RNF125: variants seen among roughly 807,000 people sequenced by gnomAD.
The protein encoded by RNF125 is ring finger protein 125, also known as E3 ubiquitin-protein ligase RNF125.
Under a neutral mutation model 26.0 loss-of-function variants are expected in RNF125, and 21 were observed. The observed-to-expected ratio is 0.81, with a 90% CI of 0.57 to 1.16. The LOEUF (loss-of-function observed/expected upper bound fraction) is 1.16. Ranked by LOEUF, RNF125 falls within the 50% of genes most tolerant of loss-of-function variation. The pLI, the probability that RNF125 is intolerant of heterozygous loss-of-function variation, is 0.00. For missense variants in RNF125, 270 were observed against 299.4 expected, an observed-to-expected ratio of 0.90 and a Z score of 0.72; for synonymous variants, 95 against 109.2, an observed-to-expected ratio of 0.87 and a Z score of 0.81.
intron 3 of RNF125, among the ~76,000 whole-genome samples, chr18:32,043,988 A>G (rs2039243926): frequency 6.6e-6 from 1 of 151,594 alleles, no homozygotes; most frequent in African/African-American, 2.4e-5. Flanking sequence ...TAGAAATATA[A>G]TGGGTTTTTT....
Position 32,071,982 on chromosome 18 carries a change from A to G in RNF125, c.*3598A>G, listed in dbSNP as rs115491979. On this transcript the variant is annotated 3_prime_UTR_variant, in exon 6 of 6. Transcript: ENST00000217740. ...GAGGGTCTCATGAGCCCAGGAGTTC[A>G]AGACCAACCTGGGCAATATAGTGAG... The G allele has an allele frequency of 0.015, 2,318 of 152,262 alleles. 63 individuals carry two copies. Among genetic ancestry groups the G allele is most frequent in the African/African-American group, 0.053 (2,195 of 41,534 alleles). 9.4% of individuals were successfully genotyped at this position (152,262 alleles called of 1,614,324 possible).
In RNF125 at chr18:32,018,987, G is replaced by A; in HGVS notation, c.124G>A (p.Glu42Lys). 1 of 1,613,774 alleles carries A rather than the reference G, an allele frequency of 6.2e-7. No homozygotes were observed. Among genetic ancestry groups the A allele is most frequent in the Non-Finnish European group, 8.5e-7 (1 of 1,179,866 alleles). The change falls in exon 1 of 6, where the codon GAG becomes AAG. Residue 42 changes from glutamate to lysine, a missense_variant. By Grantham distance (56) the Glu-to-Lys change is moderately conservative. Coordinates refer to ENST00000217740, the MANE Select transcript of RNF125 (RefSeq NM_017831.4). The stretch of plus-strand genomic sequence containing the variant: ...GTCCTTCGACTGCGCCGTGTGCCTT[G>A]AGGTGTTACACCAGCCTGTCCGGAC... ...VTSFDCAVCL[E>K]VLHQPVRTRC...
chr18:32,090,015 G>C, the RNF125 span, among the ~76,000 whole-genome samples: 1 of 152,242 alleles, frequency 6.6e-6, no homozygotes, highest in Non-Finnish European at 1.5e-5. Flanking sequence ...GGAGGCCAAG[G>C]TGGGCGGATC....
In RNF125 at chr18:32,072,742, C is replaced by T. The variant is rs529136753; in HGVS notation, c.*4358C>T. ...AAGTTTCACTCTCTTTATAGTGCTT[C>T]AGGATACAACTTTTTCAGGGCCTTA... On this transcript the variant is annotated 3_prime_UTR_variant, in exon 6 of 6. Coordinates refer to ENST00000217740, the MANE Select transcript of RNF125 (RefSeq NM_017831.4). The T allele has an allele frequency of 7.9e-5, 12 of 152,280 alleles. No individual in the cohort carries two copies. Among genetic ancestry groups the T allele is most frequent in the Admixed American group, 7.2e-4 (11 of 15,290 alleles). 9.4% of individuals were successfully genotyped at this position (152,280 alleles called of 1,614,324 possible).
intron 4 of RNF125, among the ~76,000 whole-genome samples, chr18:32,051,881 G>A (rs1246342964): frequency 6.6e-6 from 1 of 151,332 alleles, no homozygotes; most frequent in African/African-American, 2.4e-5. Context: ...GTAGAGTTGG[G>A]GTTTCACCAT....
chr18:32,057,833 G>C (rs2039400075), intron 4 of RNF125, among the ~76,000 whole-genome samples: 1 of 152,126 alleles, frequency 6.6e-6, no homozygotes, highest in Admixed American at 6.6e-5. Context: ...TTTAAACATA[G>C]ATTGCTGGCC....
chr18:32,039,963 G>C (rs1433093965), intron 2 of RNF125, among the ~76,000 whole-genome samples: 1 of 151,848 alleles, frequency 6.6e-6, no homozygotes, highest in Non-Finnish European at 1.5e-5. Flanking sequence ...TATTTTAGTA[G>C]AGACGTGGTT....
intron 1 of RNF125, among the ~76,000 whole-genome samples, chr18:32,029,111 A>C (rs1333408384): frequency 6.6e-6 from 1 of 152,200 alleles, no homozygotes; most frequent in Non-Finnish European, 1.5e-5. Context: ...AAGATGTCTC[A>C]TATAGCCTCA....
intron 1 of RNF125, among the ~76,000 whole-genome samples, chr18:32,019,842 A>C (rs984437455): frequency 2.0e-5 from 3 of 152,224 alleles, no homozygotes; most frequent in Non-Finnish European, 2.9e-5. Flanking sequence ...TAACTTTCTC[A>C]AAACCGCATA....
At chr18:32,077,334 A>ATTTTTTTTT (rs552701343), downstream of RNF125, among the ~76,000 whole-genome samples, 1 of 107,878 alleles carries the variant, frequency 9.3e-6, no homozygotes, top group Non-Finnish European at 1.8e-5. Flanking sequence ...CCCTCTCCCC[A>ATTTTTTTTT]TTTTTTTTTT....
Position 32,033,524 on chromosome 18 carries a change from C to CA in RNF125, c.165-3578dup, listed in dbSNP as rs34652019. Among the ~76,000 whole-genome samples the CA allele has an allele frequency of 2.6e-3, 349 of 133,398 alleles. 1 individual carries two copies. Among genetic ancestry groups the CA allele is most frequent in the South Asian group, 0.015 (64 of 4,154 alleles). The allele number at this position is 133,398 out of a possible 152,430, so 87.5% of individuals were successfully genotyped here. ...TGGGCAACAAAGCAAGACTCCACCTCAAAAAAAAAAAAAAGTCTGGGCACA... is the reference window on the plus strand; with the variant it reads ...TGGGCAACAAAGCAAGACTCCACCTCAAAAAAAAAAAAAAAGTCTGGGCACA... On this transcript the variant is annotated intron_variant, in intron 1 of 5. Coordinates refer to ENST00000217740, the MANE Select transcript of RNF125 (RefSeq NM_017831.4).
intron 4 of RNF125, among the ~76,000 whole-genome samples, chr18:32,048,913 T>A (rs1247077972): frequency 1.3e-5 from 2 of 152,178 alleles, no homozygotes; most frequent in Non-Finnish European, 2.9e-5. Flanking sequence ...ATCACTGAGT[T>A]TACTGAGTTA....
At chr18:32,034,360 G>A (rs1277250036) in intron 1 of RNF125, among the ~76,000 whole-genome samples, 1 of 152,102 alleles carries the variant, frequency 6.6e-6, no homozygotes. Context: ...CAGCTGCAGC[G>A]GGACATAAGC....
At chr18:32,086,085 C>A in the RNF125 span, among the ~76,000 whole-genome samples, 1 of 152,084 alleles carries the variant, frequency 6.6e-6, no homozygotes, top group Admixed American at 6.6e-5. Context: ...TATATTCTTT[C>A]CATCTTTCAG....
intron 1 of RNF125, among the ~76,000 whole-genome samples, chr18:32,026,218 C>T (rs1247272169): frequency 7.2e-6 from 1 of 139,612 alleles, no homozygotes; most frequent in East Asian, 2.2e-4. Flanking sequence ...AAGCAGCAAA[C>T]ATTTTGTCCT....
At chr18:32,063,080 C>T (rs1361365220) in intron 4 of RNF125, among the ~76,000 whole-genome samples, 1 of 151,660 alleles carries the variant, frequency 6.6e-6, no homozygotes, top group Non-Finnish European at 1.5e-5. Context: ...ATTAGCTGGG[C>T]ATGGTGGTGG....
At chr18:32,027,191 G>A (rs2039044909) in intron 1 of RNF125, among the ~76,000 whole-genome samples, 1 of 150,520 alleles carries the variant, frequency 6.6e-6, no homozygotes, top group Non-Finnish European at 1.5e-5. Flanking sequence ...AGTGGTGAAA[G>A]TGCAGAATCC....
chr18:32,037,051 A>T (rs1419747008), intron 1 of RNF125, 65 bp from the exon 2 acceptor site: 1 of 1,421,866 alleles, frequency 7.0e-7, no homozygotes, highest in African/African-American at 1.5e-5. Context: ...ACACAAATGA[A>T]TACATGGTGG....
At chr18:32,082,492 A>G in the RNF125 span, among the ~76,000 whole-genome samples, 2 of 152,304 alleles carry the variant, frequency 1.3e-5, no homozygotes, top group South Asian at 4.1e-4. Context: ...TCACCAGGCA[A>G]TATTTTAGGG....
Sources: allele counts gnomAD v4.1 joint callset (sites outside exome capture counted in the v4.1 genomes callset), GRCh38; gene constraint gnomAD v4.1.1; transcripts MANE v1.5; gene names NCBI Gene and HGNC (gene_info 2026-07-23, HGNC 2026-07-21).